CSTPP1: variants seen among roughly 807,000 people sequenced by gnomAD.
CSTPP1 encodes centriolar satellite-associated tubulin polyglutamylase complex regulator 1.
the CSTPP1 span, among the ~76,000 whole-genome samples, chr11:47,064,732 T>C: frequency 6.7e-6 from 1 of 150,162 alleles, no homozygotes; most frequent in African/African-American, 2.4e-5. Context: ...TTTTTTGTTT[T>C]GTTTGTTTGT....
At chr11:47,164,356 TTG>T in the CSTPP1 span, 1 of 1,248,938 alleles carries the variant, frequency 8.0e-7, no homozygotes, top group Non-Finnish European at 1.1e-6. Flanking sequence ...TGACACCACT[TTG>T]TTTCAATACA....
chr11:46,996,665 G>A, the CSTPP1 span, among the ~76,000 whole-genome samples: 1 of 152,132 alleles, frequency 6.6e-6, no homozygotes, highest in East Asian at 1.9e-4. Flanking sequence ...TAGCATTGAT[G>A]GTCTTTACAA....
chr11:46,977,700 A>G, the CSTPP1 span, among the ~76,000 whole-genome samples: 73 of 152,376 alleles, frequency 4.8e-4, no homozygotes, highest in Non-Finnish European at 7.5e-4. Context: ...AAAAAAGAAA[A>G]TAGTTATTAG....
the CSTPP1 span, among the ~76,000 whole-genome samples, chr11:47,079,061 C>T: frequency 1.3e-4 from 20 of 152,116 alleles, no homozygotes; most frequent in Non-Finnish European, 2.2e-4. Flanking sequence ...TTAGAAAATG[C>T]TTGCTCAAGG....
At chr11:47,110,407 TG>T in the CSTPP1 span, among the ~76,000 whole-genome samples, 2 of 152,218 alleles carry the variant, frequency 1.3e-5, no homozygotes, top group Non-Finnish European at 2.9e-5. Flanking sequence ...GTTTGAGGAA[TG>T]GAATGAGAAG....
the CSTPP1 span, among the ~76,000 whole-genome samples, chr11:46,975,563 C>T: frequency 6.6e-6 from 1 of 152,092 alleles, no homozygotes; most frequent in African/African-American, 2.4e-5. Context: ...TAGCTTTTCT[C>T]GTCTCTTTGG....
the CSTPP1 span, among the ~76,000 whole-genome samples, chr11:47,019,305 C>G: frequency 1.3e-5 from 2 of 152,226 alleles, no homozygotes; most frequent in Admixed American, 1.3e-4. Context: ...GCCACCGCAC[C>G]TGGCCTGGAA....
At chr11:47,093,677 T>C in the CSTPP1 span, among the ~76,000 whole-genome samples, 1 of 152,186 alleles carries the variant, frequency 6.6e-6, no homozygotes, top group East Asian at 1.9e-4. Context: ...TGCTTGGTCT[T>C]GGGTAAGTTC....
At chr11:47,103,184 G>C in the CSTPP1 span, among the ~76,000 whole-genome samples, 1 of 152,028 alleles carries the variant, frequency 6.6e-6, no homozygotes, top group Non-Finnish European at 1.5e-5. Flanking sequence ...GATCGCTTGA[G>C]CCCTGGAGTT....
the CSTPP1 span, among the ~76,000 whole-genome samples, chr11:47,129,498 T>G: frequency 2.0e-5 from 3 of 152,216 alleles, no homozygotes; most frequent in Admixed American, 1.3e-4. Flanking sequence ...CCTCGCCATA[T>G]GCAGCCTGTG....
the CSTPP1 span, among the ~76,000 whole-genome samples, chr11:46,997,194 A>G: frequency 6.6e-6 from 1 of 152,204 alleles, no homozygotes; most frequent in African/African-American, 2.4e-5. Flanking sequence ...AGGTACACCA[A>G]TCAGATGTAG....
the CSTPP1 span, among the ~76,000 whole-genome samples, chr11:47,085,443 G>A: frequency 0.078 from 11,911 of 152,124 alleles, 487 homozygotes; most frequent in Non-Finnish European, 0.089. Context: ...CTCTATTTTG[G>A]TTTAGTCTTC....
the CSTPP1 span, among the ~76,000 whole-genome samples, chr11:46,998,994 C>T: frequency 3.1e-4 from 47 of 152,172 alleles, no homozygotes; most frequent in Middle Eastern, 0.01. Flanking sequence ...CCTGCCTCGG[C>T]CTTCCAAAGT....
the CSTPP1 span, among the ~76,000 whole-genome samples, chr11:47,138,876 G>A: frequency 6.6e-6 from 1 of 151,202 alleles, no homozygotes; most frequent in South Asian, 2.1e-4. Flanking sequence ...CTATTCGGGA[G>A]GTGGAGGCAA....
the CSTPP1 span, among the ~76,000 whole-genome samples, chr11:47,013,374 T>C: frequency 1.3e-5 from 2 of 152,128 alleles, no homozygotes; most frequent in East Asian, 1.9e-4. Context: ...CAGCATGCAA[T>C]AGCTATTTTT....
At chr11:47,032,459 C>G in the CSTPP1 span, among the ~76,000 whole-genome samples, 1 of 152,054 alleles carries the variant, frequency 6.6e-6, no homozygotes. Flanking sequence ...GTTGACTTTA[C>G]AATTAATACA....
At chr11:47,068,217 A>C in the CSTPP1 span, among the ~76,000 whole-genome samples, 71 of 152,268 alleles carry the variant, frequency 4.7e-4, no homozygotes, top group Non-Finnish European at 7.8e-4. Context: ...TTAAAATGTA[A>C]ATGTTAATTT....
the CSTPP1 span, among the ~76,000 whole-genome samples, chr11:47,158,507 G>A: frequency 1.3e-5 from 2 of 152,066 alleles, no homozygotes; most frequent in Admixed American, 1.3e-4. Flanking sequence ...GAGCCAGTAA[G>A]CCTCCATTCT....
chr11:47,133,863 G>A, the CSTPP1 span, among the ~76,000 whole-genome samples: 3 of 152,158 alleles, frequency 2.0e-5, no homozygotes, highest in African/African-American at 7.2e-5. Flanking sequence ...TGTGAAATGA[G>A]GATAATAGTC....
Sources: gnomAD v4.1 joint callset for allele counts (sites outside exome capture counted in the v4.1 genomes callset) on GRCh38, gnomAD v4.1.1 for gene constraint, MANE v1.5 for transcripts, NCBI Gene and HGNC (gene_info 2026-07-23, HGNC 2026-07-21) for gene names.